The following MS4A4E variants were observed in gnomAD, a reference collection of about 807,000 sequenced individuals.
The protein encoded by MS4A4E is membrane spanning 4-domains A4E.
Under a neutral mutation model 13.3 loss-of-function variants are expected in MS4A4E, and 23 were observed. The ratio of observed to expected loss-of-function variants is 1.73; its 90% CI spans 1.25 to 2.45. The LOEUF (loss-of-function observed/expected upper bound fraction) is 2.45, where lower values mean the gene tolerates loss of function less well. Ranked by LOEUF, MS4A4E falls within the 30% of genes most tolerant of loss-of-function variation. The pLI is 0.00. For synonymous variants in MS4A4E, 36 were observed against 45.6 expected, an observed-to-expected ratio of 0.79 and a Z score of 0.85; for missense variants, 144 against 131.2, an observed-to-expected ratio of 1.10 and a Z score of -0.48.
intron 8 of MS4A4E, among the ~76,000 whole-genome samples, chr11:60,204,032 T>G (rs926551174): frequency 6.6e-6 from 1 of 152,238 alleles, no homozygotes; most frequent in Non-Finnish European, 1.5e-5. Flanking sequence ...CTTATGTAAG[T>G]GTTAACCTTA....
intron 1 of MS4A4E, among the ~76,000 whole-genome samples, chr11:60,231,238 T>C (rs2084407133): frequency 6.6e-6 from 1 of 151,610 alleles, no homozygotes; most frequent in Admixed American, 6.6e-5. Flanking sequence ...TTCAAAATTA[T>C]GAAAAGCAGT....
chr11:60,232,669 G>A (rs1177851398), intron 1 of MS4A4E, among the ~76,000 whole-genome samples: 1 of 151,922 alleles, frequency 6.6e-6, no homozygotes, highest in Non-Finnish European at 1.5e-5. Context: ...TCCCAGAGGA[G>A]GAGCTGACAC....
chr11:60,218,443 G>T (rs2084225042), intron 3 of MS4A4E, among the ~76,000 whole-genome samples: 1 of 152,068 alleles, frequency 6.6e-6, no homozygotes, highest in African/African-American at 2.4e-5. Flanking sequence ...AAAACTTACT[G>T]GTTTTTGCAG....
At chr11:60,238,586 C>T (rs2084512139) in intron 1 of MS4A4E, among the ~76,000 whole-genome samples, 1 of 151,964 alleles carries the variant, frequency 6.6e-6, no homozygotes, top group Non-Finnish European at 1.5e-5. Context: ...AAAGGTTTTT[C>T]AAATTTGTTG....
At chr11:60,212,425 T>A (rs916607128) in intron 5 of MS4A4E, among the ~76,000 whole-genome samples, 1 of 151,476 alleles carries the variant, frequency 6.6e-6, no homozygotes, top group Admixed American at 6.6e-5. Context: ...TTCTCCTGCC[T>A]CAGCCTCCCG....
chr11:60,238,504 G>T lies in MS4A4E; in HGVS notation c.-17+4454C>A, dbSNP rs375438240. ...ATAATTTCTTTAATTCTGTAAGTTTGGTAATTATGCTGCCTCTTTCATTCC... is the reference window on the plus strand; with the variant it reads ...ATAATTTCTTTAATTCTGTAAGTTTTGTAATTATGCTGCCTCTTTCATTCC... On this transcript the variant is annotated intron_variant, in intron 1 of 8. Transcript: ENST00000651255. 2.6e-5 allele frequency among the ~76,000 whole-genome samples: 4 copies of T among 151,966 alleles called. No individual in the cohort carries two copies. The East Asian group carries it at 7.7e-4, about 29-fold the overall frequency.
At chr11:60,224,867 C>A in intron 3 of MS4A4E, 1 of 1,085,020 alleles carries the variant, frequency 9.2e-7, no homozygotes, top group Non-Finnish European at 1.2e-6. Flanking sequence ...CTCAAATTTA[C>A]AGAATTACAA....
chr11:60,231,396 A>C (rs1238608432), intron 1 of MS4A4E, among the ~76,000 whole-genome samples: 2 of 152,126 alleles, frequency 1.3e-5, no homozygotes, highest in East Asian at 3.8e-4. Context: ...ATGTAACCAA[A>C]AAGTCAATGT....
At chr11:60,223,542 T>A (rs1353603844) in intron 3 of MS4A4E, among the ~76,000 whole-genome samples, 1 of 152,148 alleles carries the variant, frequency 6.6e-6, no homozygotes, top group African/African-American at 2.4e-5. Context: ...GATTGAAGGA[T>A]GCAAAATATC....
At chr11:60,228,125 C>A (rs2084366175) in intron 3 of MS4A4E, among the ~76,000 whole-genome samples, 1 of 152,046 alleles carries the variant, frequency 6.6e-6, no homozygotes, top group Admixed American at 6.5e-5. Context: ...AAAAATTCTG[C>A]TCTGCAGAAG....
intron 4 of MS4A4E, chr11:60,213,401 G>A: frequency 8.9e-7 from 1 of 1,125,780 alleles, no homozygotes; most frequent in East Asian, 2.6e-5. Flanking sequence ...ACATTAGCTG[G>A]ACAGTCATGT....
intron 3 of MS4A4E, 60 bp downstream of exon 3, chr11:60,228,534 T>G: frequency 1.6e-6 from 1 of 642,856 alleles, no homozygotes; most frequent in Non-Finnish European, 2.8e-6. Context: ...GGAAGACAGT[T>G]TGGCAGTTTC....
chr11:60,208,834 G>A (rs973350718), intron 5 of MS4A4E, 140 bp from the exon 6 acceptor site: 4 of 404,940 alleles, frequency 9.9e-6, no homozygotes, highest in African/African-American at 8.0e-5. Flanking sequence ...CCATACCCTT[G>A]ACCAATTCTT....
intron 3 of MS4A4E, among the ~76,000 whole-genome samples, chr11:60,222,677 G>C (rs1054285996): frequency 1.3e-5 from 2 of 152,154 alleles, no homozygotes; most frequent in African/African-American, 2.4e-5. Context: ...ACTATGTTCT[G>C]CTGGCCTAGA....
intron 2 of MS4A4E, among the ~76,000 whole-genome samples, chr11:60,229,058 A>C (rs1438604105): frequency 6.6e-6 from 1 of 152,254 alleles, no homozygotes; most frequent in East Asian, 1.9e-4. Flanking sequence ...GTGTCAACAT[A>C]GGTTCATCAA....
At chr11:60,213,247 C>G in intron 4 of MS4A4E, 115 bp from the exon 5 acceptor site, 2 of 1,521,828 alleles carry the variant, frequency 1.3e-6, no homozygotes, top group South Asian at 2.4e-5. Flanking sequence ...TCTAACTTGT[C>G]TCCTTATAGT....
chr11:60,205,192 TATTTCACAACCACTACCAACAACC>T (rs2084024596), intron 7 of MS4A4E, among the ~76,000 whole-genome samples: 1 of 152,218 alleles, frequency 6.6e-6, no homozygotes, highest in Admixed American at 6.5e-5. Context: ...TAATGACTCA[TATTTCACAACCACTACCAACAACC>T]ACTCTCCAGC....
intron 6 of MS4A4E, among the ~76,000 whole-genome samples, chr11:60,207,055 C>T (rs2084056942): frequency 6.6e-6 from 1 of 152,098 alleles, no homozygotes; most frequent in Non-Finnish European, 1.5e-5. Flanking sequence ...GCTCTTCTTC[C>T]AAACCAGGTT....
At chr11:60,235,415 C>T (rs1403317783) in intron 1 of MS4A4E, among the ~76,000 whole-genome samples, 3 of 152,136 alleles carry the variant, frequency 2.0e-5, no homozygotes, top group East Asian at 1.9e-4. Flanking sequence ...ATTTTTAACA[C>T]GGACAAAGTA....
Sources: allele counts gnomAD v4.1 joint callset (sites outside exome capture counted in the v4.1 genomes callset), GRCh38; gene constraint gnomAD v4.1.1; transcripts MANE v1.5; gene names NCBI Gene and HGNC (gene_info 2026-07-23, HGNC 2026-07-21).